Variants in ZNF511 observed in about 807,000 individuals in gnomAD.
The protein encoded by ZNF511 is zinc finger protein 511.
ZNF511 carries 26 observed loss-of-function variants against 24.8 expected under a neutral mutation model. That is an observed-to-expected ratio of 1.05 (90% confidence interval 0.77 to 1.46). The LOEUF is 1.46. Ranked by LOEUF, ZNF511 falls within the 40% of genes most tolerant of loss-of-function variation. The pLI is 0.00. For synonymous variants in ZNF511, 144 were observed against 139.6 expected, an observed-to-expected ratio of 1.03 and a Z score of -0.22; for missense variants, 358 against 345.0, an observed-to-expected ratio of 1.04 and a Z score of -0.30.
At position 133,313,079 on chromosome 10, in the gene ZNF511, G is replaced by A; in HGVS notation, c.*213G>A. The stretch of plus-strand genomic sequence containing the variant: ...ACGACCTGGACACACTATTGGGAAG[G>A]AGATGTGGACGGCCTGTCTCCTCCT... On this transcript the variant is annotated 3_prime_UTR_variant, in exon 6 of 6. Transcript: ENST00000361518. 7.6e-7 allele frequency: 1 copy of A among 1,322,838 alleles called. No homozygotes were observed. The highest frequency in any genetic ancestry group is 9.9e-7 in the Non-Finnish European group (1 of 1,007,372). The allele number at this position is 1,322,838 out of a possible 1,614,324, so 81.9% of individuals were successfully genotyped here.
At chr10:133,311,919 C>T in intron 5 of ZNF511, 78 bp downstream of exon 5, 1 of 1,613,166 alleles carries the variant, frequency 6.2e-7, no homozygotes, top group East Asian at 2.2e-5. Flanking sequence ...ACCTGGGCCG[C>T]AGCTCTTCTC....
At chr10:133,310,312 C>G (rs1456513183) in intron 4 of ZNF511, 24 bp downstream of exon 4, 7 of 1,612,654 alleles carry the variant, frequency 4.3e-6, no homozygotes, top group African/African-American at 4.0e-5. Flanking sequence ...AGGCTCAGCA[C>G]GTGTCTGCTT....
chr10:133,313,151 T>G lies in ZNF511; in HGVS notation c.*285T>G. ...TATTTTTAAACACATGAAATAAGTA[T>G]TTTTCACTGATGGTCTTGAGTCTTC... On this transcript the variant is annotated 3_prime_UTR_variant, in exon 6 of 6. Transcript: ENST00000361518. 1.8e-6 allele frequency: 1 copy of G among 561,388 alleles called. No individual in the cohort carries two copies. Among genetic ancestry groups the G allele is most frequent in the Non-Finnish European group, 2.8e-6 (1 of 354,534 alleles). The allele number at this position is 561,388 out of a possible 1,614,324, so 34.8% of individuals were successfully genotyped here. A position where few individuals can be genotyped will look rare whatever the true frequency, so the allele number is the denominator to read the frequency against.
Position 133,312,891 on chromosome 10 carries a change from C to T in ZNF511, c.*25C>T, listed in dbSNP as rs746260942. The T allele has an allele frequency of 6.2e-7, 1 of 1,613,358 alleles. No homozygotes were observed. On this transcript the variant is annotated 3_prime_UTR_variant, in exon 6 of 6. Coordinates refer to ENST00000361518, the MANE Select transcript of ZNF511 (RefSeq NM_145806.4). ...ATAGACTCAGAAAAGGAGTGGGGGGCAGTCACCACTGCTGGGCGTGGCATC... is the reference window on the plus strand; with the variant it reads ...ATAGACTCAGAAAAGGAGTGGGGGGTAGTCACCACTGCTGGGCGTGGCATC...
intron 4 of ZNF511, among the ~76,000 whole-genome samples, chr10:133,311,466 CA>C (rs1326388887): frequency 1.3e-5 from 2 of 151,636 alleles, no homozygotes; most frequent in East Asian, 3.8e-4. Flanking sequence ...ATACTATTTT[CA>C]AAAAAAAGTA....
chr10:133,310,365 C>T lies in ZNF511; in HGVS notation c.554+77C>T, dbSNP rs972657142. The T allele has an allele frequency of 1.6e-5, 25 of 1,575,220 alleles. No individual in the cohort carries two copies. The African/African-American group carries it at 1.8e-4, about 11-fold the overall frequency. The stretch of plus-strand genomic sequence containing the variant: ...TTTCCAACTAGCCGGAATGCATAGA[C>T]GGTCAGACTTATTAAGCACTTGTGT... On this transcript the variant is annotated intron_variant, in intron 4 of 5. Coordinates refer to ENST00000361518, the MANE Select transcript of ZNF511 (RefSeq NM_145806.4).
In ZNF511 at chr10:133,309,809, C is replaced by A. The variant is rs1333274736; in HGVS notation, c.261C>A (p.Cys87Ter). 4 of 1,613,502 alleles carry A rather than the reference C, an allele frequency of 2.5e-6. No individual in the cohort carries two copies. Among genetic ancestry groups the A allele is most frequent in the Non-Finnish European group, 2.5e-6 (3 of 1,180,034 alleles). Residue 87 changes from cysteine to a stop codon, truncating the protein, a stop_gained, in exon 3 of 6, where the codon TGC becomes TGA. Transcript: ENST00000361518. LOFTEE classifies it high-confidence loss of function. ...CGTTTGCCTGCCAGGTGGCCGGCTG[C>A]TGCCAGGTGTTCGATGCCCTGGACG... ...VPAFACQVAG[C>*]CQVFDALDDY...
At chr10:133,309,489 A>C in intron 2 of ZNF511, 26 bp downstream of exon 2, 1 of 1,607,008 alleles carries the variant, frequency 6.2e-7, no homozygotes, top group Non-Finnish European at 8.5e-7. Flanking sequence ...GTGCCTAGCC[A>C]GTGCTACTCC....
rs1257330765 is a variant in ZNF511, at chr10:133,312,980, C to CCCCATCCTT, written c.*115_*123dup. The CCCCATCCTT allele has an allele frequency of 5.1e-6, 8 of 1,560,208 alleles. No homozygotes were observed. Among genetic ancestry groups the CCCCATCCTT allele is most frequent in the Non-Finnish European group, 6.1e-6 (7 of 1,156,512 alleles). On this transcript the variant is annotated 3_prime_UTR_variant, in exon 6 of 6. Coordinates refer to ENST00000361518, the MANE Select transcript of ZNF511 (RefSeq NM_145806.4). Reference sequence around the variant, plus strand: ...CTGGGGGCCAGGCCCTCGCCATCCTCCCCATCCTTGTTCCTCAGCAAATGG... The same window carrying CCCCATCCTT: ...CTGGGGGCCAGGCCCTCGCCATCCTCCCCATCCTTCCCATCCTTGTTCCTCAGCAAATGG...
rs1434007620 is a variant in ZNF511, at chr10:133,309,435, C to T, written c.199C>T (p.Gln67Ter). ...CCTCTACCTCCAGGACGTGATCATG[C>T]AGGTGGCCGACGTGCCTGAGAAGCC... ...RHLYLQDVIM[Q>*]VADVPEKPRV... Residue 67 changes from glutamine to a stop codon, truncating the protein, a stop_gained, in exon 2 of 6, where the codon CAG (glutamine) becomes TAG (stop). Coordinates refer to ENST00000361518, the MANE Select transcript of ZNF511 (RefSeq NM_145806.4). LOFTEE classifies it high-confidence loss of function. The T allele has an allele frequency of 3.7e-6, 6 of 1,612,432 alleles. No individual in the cohort carries two copies. The highest frequency in any genetic ancestry group is 1.1e-5 in the South Asian group (1 of 91,026).
chr10:133,312,020 GT>G (rs1848001886), intron 5 of ZNF511, 179 bp downstream of exon 5: 2 of 1,562,698 alleles, frequency 1.3e-6, no homozygotes, highest in Admixed American at 3.8e-5. Context: ...GAATAACTTA[GT>G]TTCTCTCGCA....
intron 5 of ZNF511, 52 bp downstream of exon 5, chr10:133,311,893 G>C (rs758100019): frequency 6.2e-7 from 1 of 1,613,086 alleles, no homozygotes; most frequent in Non-Finnish European, 8.5e-7. Flanking sequence ...GTTCGGTGCT[G>C]AGGATTCTGG....
chr10:133,309,434 G>T lies in ZNF511; in HGVS notation c.198G>T (p.Met66Ile), dbSNP rs780127248. The stretch of plus-strand genomic sequence containing the variant: ...ACCTCTACCTCCAGGACGTGATCAT[G>T]CAGGTGGCCGACGTGCCTGAGAAGC... ...QRHLYLQDVI[M>I]QVADVPEKPR... is the part of the protein sequence containing the mutation. Residue 66 changes from methionine to isoleucine, a missense_variant, in exon 2 of 6, where the codon ATG (methionine) becomes ATT (isoleucine). Physicochemically the swap from Met to Ile is conservative, Grantham distance 10. Transcript: ENST00000361518. The T allele has an allele frequency of 1.6e-5, 26 of 1,612,496 alleles. No homozygotes were observed. The highest frequency in any genetic ancestry group is 2.7e-5 in the African/African-American group (2 of 74,930).
chr10:133,312,354 A>C (rs1025140624), intron 5 of ZNF511: 13 of 1,165,094 alleles, frequency 1.1e-5, no homozygotes, highest in African/African-American at 1.6e-5. Flanking sequence ...TTTGGGAAAA[A>C]CGGTGAACAA....
rs1260709339 is a variant in ZNF511, at chr10:133,308,966, G to A, written c.23G>A (p.Cys8Tyr). 1 of 1,241,444 alleles carries A rather than the reference G, an allele frequency of 8.1e-7. No individual in the cohort carries two copies. The highest frequency in any genetic ancestry group is 3.2e-5 in the East Asian group (1 of 31,234). The allele number at this position is 1,241,444 out of a possible 1,614,324, so 76.9% of individuals were successfully genotyped here. A position where few individuals can be genotyped will look rare whatever the true frequency, so the allele number is the denominator to read the frequency against. Residue 8 changes from cysteine to tyrosine, a missense_variant, in exon 1 of 6, where the codon TGC becomes TAC. Coordinates refer to ENST00000361518, the MANE Select transcript of ZNF511 (RefSeq NM_145806.4). MQLPPALCARLAAGPGAA... is the reference protein window; with the variant it reads MQLPPALYARLAAGPGAA... ...GTGATGCAGTTGCCCCCCGCGCTGT[G>A]CGCCCGCCTCGCTGCGGGGCCCGGG...
chr10:133,312,906 G>T lies in ZNF511; in HGVS notation c.*40G>T. 6 of 1,612,886 alleles carry T rather than the reference G, an allele frequency of 3.7e-6. No homozygotes were observed. Among genetic ancestry groups the T allele is most frequent in the Admixed American group, 1.7e-5 (1 of 59,912 alleles). ...GAGTGGGGGGCAGTCACCACTGCTG[G>T]GCGTGGCATCCGCCTTGGGCCTTTC... On this transcript the variant is annotated 3_prime_UTR_variant, in exon 6 of 6. Transcript: ENST00000361518.
chr10:133,309,972 G>C lies in ZNF511; in HGVS notation c.424G>C (p.Asp142His). Reference sequence around the variant, plus strand: ...CTTCCAGATCCTGTCTGAGAGGCAGGACATGGTGGGTGACAACTGCACAGC... The same window carrying C: ...CTTCCAGATCCTGTCTGAGAGGCAGCACATGGTGGGTGACAACTGCACAGC... ...SLFQILSERQDMYQCLVEGCT... is the reference protein window; with the variant it reads ...SLFQILSERQHMYQCLVEGCT... The change falls in exon 3 of 6, where the codon GAC becomes CAC. Residue 142 changes from aspartate (D) to histidine (H), a missense_variant. Transcript: ENST00000361518. The C allele has an allele frequency of 6.2e-7, 1 of 1,612,852 alleles. No individual in the cohort carries two copies. Among genetic ancestry groups the C allele is most frequent in the Non-Finnish European group, 8.5e-7 (1 of 1,179,906 alleles).
At chr10:133,312,389 T>C (rs1315660681) in intron 5 of ZNF511, 2 of 1,168,402 alleles carry the variant, frequency 1.7e-6, no homozygotes, top group Non-Finnish European at 2.1e-6. Flanking sequence ...CACCAAAGAC[T>C]CCAAACAGGT....
intron 5 of ZNF511, chr10:133,312,308 C>CGTCT (rs925551037): frequency 8.3e-7 from 1 of 1,200,986 alleles, no homozygotes; most frequent in African/African-American, 1.6e-5. Flanking sequence ...TCACCTGTGC[C>CGTCT]GTCTGCCTTT....
Sources: gnomAD v4.1 joint callset for allele counts (sites outside exome capture counted in the v4.1 genomes callset) on GRCh38, gnomAD v4.1.1 for gene constraint, MANE v1.5 for transcripts, NCBI Gene and HGNC (gene_info 2026-07-23, HGNC 2026-07-21) for gene names.